Variants in ANAPC1 observed in about 807,000 individuals in gnomAD.
ANAPC1 encodes anaphase-promoting complex subunit 1.
ANAPC1 carries 36 observed loss-of-function variants against 208.0 expected under a neutral mutation model. That is an observed-to-expected ratio of 0.17 (90% CI 0.13 to 0.23). The LOEUF is 0.23. Among genes scored for constraint, ANAPC1 ranks in the 10% least tolerant of loss-of-function variants. The pLI, the probability that ANAPC1 is intolerant of heterozygous loss-of-function variation, is 1.00. For synonymous variants in ANAPC1, 378 were observed against 695.2 expected, an observed-to-expected ratio of 0.54 and a Z score of 7.18; for missense variants, 942 against 2,011.6, an observed-to-expected ratio of 0.47 and a Z score of 10.17.
intron 13 of ANAPC1, among the ~76,000 whole-genome samples, chr2:111,855,247 A>G (rs1681635962): frequency 6.6e-6 from 1 of 152,194 alleles, no homozygotes; most frequent in Non-Finnish European, 1.5e-5. Flanking sequence ...TGGTGCCCCA[A>G]AAGAATTCCA....
At chr2:111,782,727 T>A (rs769585960) in intron 42 of ANAPC1, among the ~76,000 whole-genome samples, 41 of 152,336 alleles carry the variant, frequency 2.7e-4, no homozygotes, top group Non-Finnish European at 4.7e-4. Flanking sequence ...ACTTGTTAAA[T>A]GAGGAGGCAC....
At chr2:111,879,609 G>A (rs1285099934) in intron 2 of ANAPC1, among the ~76,000 whole-genome samples, 11 of 152,170 alleles carry the variant, frequency 7.2e-5, no homozygotes, top group African/African-American at 2.4e-4. Context: ...GGTGGCTCAC[G>A]CCTGTAATCC....
At chr2:111,829,840 C>T (rs1680037929) in intron 21 of ANAPC1, among the ~76,000 whole-genome samples, 1 of 152,048 alleles carries the variant, frequency 6.6e-6, no homozygotes, top group Admixed American at 6.5e-5. Context: ...GAGGCTGAGC[C>T]AGGCGGATCA....
chr2:111,777,105 G>C (rs1261127643), intron 45 of ANAPC1, 48 bp from the exon 46 acceptor site: 1 of 498,460 alleles, frequency 2.0e-6, no homozygotes, highest in Non-Finnish European at 3.7e-6. Flanking sequence ...AGAGTGCTCT[G>C]TCTCTTCATC....
At chr2:111,873,692 A>G in intron 3 of ANAPC1, 28 bp from the exon 4 acceptor site, 1 of 1,559,454 alleles carries the variant, frequency 6.4e-7, no homozygotes, top group Non-Finnish European at 8.6e-7. Flanking sequence ...TGCTTACCTA[A>G]GAAAATTATA....
chr2:111,882,290 A>C (rs1467489505), intron 1 of ANAPC1, among the ~76,000 whole-genome samples: 1 of 151,990 alleles, frequency 6.6e-6, no homozygotes, highest in Non-Finnish European at 1.5e-5. Flanking sequence ...CAAGTAAAAC[A>C]CTTTATCTGC....
chr2:111,881,454 C>T (rs1038217564), intron 1 of ANAPC1, among the ~76,000 whole-genome samples: 3 of 152,122 alleles, frequency 2.0e-5, no homozygotes, highest in African/African-American at 7.2e-5. Flanking sequence ...GGTCGAAACC[C>T]AAAGAACCGA....
At chr2:111,818,322 T>C (rs1679344496) in intron 27 of ANAPC1, among the ~76,000 whole-genome samples, 1 of 146,802 alleles carries the variant, frequency 6.8e-6, no homozygotes, top group Non-Finnish European at 1.5e-5. Context: ...TTCTGATAAT[T>C]AAACAAATAT....
chr2:111,811,195 T>C (rs1157535411), intron 28 of ANAPC1, among the ~76,000 whole-genome samples: 1 of 151,674 alleles, frequency 6.6e-6, no homozygotes, highest in Non-Finnish European at 1.5e-5. Context: ...TTTCCTATCA[T>C]GTTTTTCCTA....
intron 17 of ANAPC1, among the ~76,000 whole-genome samples, chr2:111,840,124 T>A (rs1313051022): frequency 6.6e-6 from 1 of 152,144 alleles, no homozygotes; most frequent in Non-Finnish European, 1.5e-5. Flanking sequence ...CCACAAAAAG[T>A]TAACCCCAAA....
At position 111,831,320 on chromosome 2, in the gene ANAPC1, G is replaced by A. The variant is rs201476913; in HGVS notation, c.2591C>T (p.Pro864Leu). Reference protein sequence around the residue: ...GEGMPPYPYLPGICERSRLVV... With the variant: ...GEGMPPYPYLLGICERSRLVV... ...AAGTCTGCTTCTTTCACAGATTCCA[G>A]GGAGGTAAGGATAAGGTGGCATTCC... Residue 864 changes from proline (P) to leucine (L), a missense_variant, in exon 21 of 48, where the codon CCT becomes CTT. Coordinates refer to ENST00000341068, the MANE Select transcript of ANAPC1 (RefSeq NM_022662.4). 69 of 1,611,830 alleles carry A rather than the reference G, an allele frequency of 4.3e-5. No homozygotes were observed. The Middle Eastern group carries it at 9.0e-4, about 21-fold the overall frequency.
chr2:111,853,086 G>A (rs917792263), intron 13 of ANAPC1, among the ~76,000 whole-genome samples: 1 of 152,122 alleles, frequency 6.6e-6, no homozygotes, highest in African/African-American at 2.4e-5. Context: ...ATACTCAAGG[G>A]TGCCTTCTTG....
At position 111,769,279 on chromosome 2, in the gene ANAPC1, C is replaced by T. The variant is rs1173853937; in HGVS notation, c.*12G>A. The T allele has an allele frequency of 1.1e-5, 18 of 1,610,182 alleles. No homozygotes were observed. Among genetic ancestry groups the T allele is most frequent in the Admixed American group, 1.7e-5 (1 of 59,692 alleles). On this transcript the variant is annotated 3_prime_UTR_variant, in exon 48 of 48. Transcript: ENST00000341068. ...AAGTCACGTTTCAGGGTAGGTTCAC[C>T]GCCAGACACGGTCACATCACCATTG...
chr2:111,771,004 G>A (rs1676708731), intron 47 of ANAPC1: 1 of 153,976 alleles, frequency 6.5e-6, no homozygotes, highest in Admixed American at 6.6e-5. Flanking sequence ...TTTCTCCTAT[G>A]AAGGTTACAT....
rs374328343 is a variant in ANAPC1, at chr2:111,843,533, T to C, written c.1919A>G (p.Lys640Arg). Residue 640 changes from lysine to arginine, a missense_variant, in exon 17 of 48, where the codon AAG becomes AGG. Lys to Arg is a conservative substitution (Grantham distance 26, BLOSUM62 2). Coordinates refer to ENST00000341068, the MANE Select transcript of ANAPC1 (RefSeq NM_022662.4). ...PKEIAVQMLVKWYNVHSAPGG... is the reference protein window; with the variant it reads ...PKEIAVQMLVRWYNVHSAPGG... Reference sequence around the variant, plus strand: ...TGGAGCACTGTGGACATTGTACCACTTGACAAGCATCTGAACTGCTATTTC... The same window carrying C: ...TGGAGCACTGTGGACATTGTACCACCTGACAAGCATCTGAACTGCTATTTC... 1.9e-6 allele frequency: 3 copies of C among 1,611,868 alleles called. No homozygotes were observed. The African/African-American group carries it at 4.0e-5, about 22-fold the overall frequency.
rs1681852148 is a variant in ANAPC1, at chr2:111,858,352, C to CA, written c.1311dup (p.Gly438TrpfsTer24). The CA allele has an allele frequency of 6.2e-7, 1 of 1,613,614 alleles. No individual in the cohort carries two copies. The highest frequency in any genetic ancestry group is 1.7e-5 in the Admixed American group (1 of 59,984). ...ACTAAAAAGCACAGGAACTTTTGCC[C>CA]ACATAGGTCAGATGTAATAAACACT... On this transcript the variant is annotated frameshift_variant, in exon 11 of 48. Coordinates refer to ENST00000341068, the MANE Select transcript of ANAPC1 (RefSeq NM_022662.4). LOFTEE classifies it high-confidence loss of function.
intron 37 of ANAPC1, 100 bp from the exon 38 acceptor site, chr2:111,792,655 CT>C: frequency 1.1e-6 from 1 of 944,908 alleles, no homozygotes; most frequent in Non-Finnish European, 1.6e-6. Context: ...AAGTTTGTAA[CT>C]TAAAAAAAAA....
At chr2:111,792,651 G>A in intron 37 of ANAPC1, 96 bp from the exon 38 acceptor site, 2 of 1,006,912 alleles carry the variant, frequency 2.0e-6, no homozygotes, top group Non-Finnish European at 2.9e-6. Flanking sequence ...ACAAAAGTTT[G>A]TAACTTAAAA....
At chr2:111,825,710 C>A in intron 22 of ANAPC1, 67 bp downstream of exon 22, 1 of 1,516,900 alleles carries the variant, frequency 6.6e-7, no homozygotes, top group Non-Finnish European at 9.1e-7. Context: ...AAATTCAATT[C>A]TTTTTTCAAT....
Sources: gnomAD v4.1 joint callset for allele counts (sites outside exome capture counted in the v4.1 genomes callset) on GRCh38, gnomAD v4.1.1 for gene constraint, MANE v1.5 for transcripts, NCBI Gene and HGNC (gene_info 2026-07-23, HGNC 2026-07-21) for gene names.